The following CYB5R4 variants were observed in gnomAD, a reference collection of about 807,000 sequenced individuals.
The protein encoded by CYB5R4 is cytochrome b5 reductase 4.
In CYB5R4, 55 loss-of-function variants were observed where a neutral mutation model predicts 70.2. The ratio of observed to expected loss-of-function variants is 0.78; its 90% confidence interval spans 0.63 to 0.98. The LOEUF is 0.98. Among genes scored for constraint, CYB5R4 ranks in the 50% least tolerant of loss-of-function variants. The pLI is 0.00. For synonymous variants in CYB5R4, 197 were observed against 199.5 expected (o/e 0.99, Z 0.11); for missense variants, 562 against 612.6 (o/e 0.92, Z 0.87).
At chr6:83,876,988 C>T (rs747477103) in intron 2 of CYB5R4, among the ~76,000 whole-genome samples, 2 of 152,056 alleles carry the variant, frequency 1.3e-5, no homozygotes, top group Non-Finnish European at 2.9e-5. Context: ...TGTGCTACCA[C>T]ACCTGGCTAA....
In CYB5R4 at chr6:83,965,515, A is replaced by C. The variant is rs1233398048; in HGVS notation, c.*5637A>C. The C allele has an allele frequency of 6.6e-6, 1 of 152,176 alleles. No homozygotes were observed. The highest frequency in any genetic ancestry group is 6.5e-5 in the Admixed American group (1 of 15,276). 9.4% of individuals were successfully genotyped at this position (152,176 alleles called of 1,614,324 possible). ...CAATACCTGTACCCTCATTGTATCT[A>C]GGAAGTAACTAGCTTGCTTTTGATT... On this transcript the variant is annotated 3_prime_UTR_variant, in exon 16 of 16. Transcript: ENST00000369681.
chr6:83,907,792 T>C (rs867575215), intron 3 of CYB5R4, among the ~76,000 whole-genome samples: 1 of 152,210 alleles, frequency 6.6e-6, no homozygotes, highest in Non-Finnish European at 1.5e-5. Context: ...TCCATGTTCC[T>C]GCAAAAGATA....
At chr6:83,943,758 G>C (rs1276535582) in intron 14 of CYB5R4, among the ~76,000 whole-genome samples, 1 of 151,976 alleles carries the variant, frequency 6.6e-6, no homozygotes, top group Non-Finnish European at 1.5e-5. Context: ...GTTTGGAGAA[G>C]AACATAAAAG....
intron 3 of CYB5R4, among the ~76,000 whole-genome samples, chr6:83,896,581 T>G (rs2099461940): frequency 6.6e-6 from 1 of 152,230 alleles, no homozygotes; most frequent in African/African-American, 2.4e-5. Flanking sequence ...TCCATGTTGC[T>G]GCTAGTGACA....
rs2099457310 is a variant in CYB5R4 at position 83,869,955 on chromosome 6, C to T, written c.229+5627C>T. Among the ~76,000 whole-genome samples, 6 of 152,180 alleles carry T rather than the reference C, an allele frequency of 3.9e-5. No individual in the cohort carries two copies. The South Asian group carries it at 1.2e-3, about 32-fold the overall frequency. Reference sequence around the variant, plus strand: ...GTGCTGAAGTGCTGTGGCAAGAAAGCTGTAGTATGCCTTATGGAGAAAATA... The same window carrying T: ...GTGCTGAAGTGCTGTGGCAAGAAAGTTGTAGTATGCCTTATGGAGAAAATA... On this transcript the variant is annotated intron_variant, in intron 2 of 15. Coordinates refer to ENST00000369681, the MANE Select transcript of CYB5R4 (RefSeq NM_016230.4).
At chr6:83,936,189 G>T in intron 11 of CYB5R4, 35 bp from the exon 12 acceptor site, 1 of 1,473,242 alleles carries the variant, frequency 6.8e-7, no homozygotes, top group South Asian at 1.4e-5. Flanking sequence ...TGGATTTTTA[G>T]AATTTAATTA....
At chr6:83,943,564 A>G (rs1437149542) in intron 14 of CYB5R4, among the ~76,000 whole-genome samples, 1 of 152,142 alleles carries the variant, frequency 6.6e-6, no homozygotes, top group Non-Finnish European at 1.5e-5. Flanking sequence ...CTTCTCCTCC[A>G]AAGGATCACA....
Position 83,964,970 on chromosome 6 carries a change from G to A in CYB5R4, c.*5092G>A, listed in dbSNP as rs1588592091. 3 of 152,322 alleles carry A rather than the reference G, an allele frequency of 2.0e-5. No homozygotes were observed. The South Asian group carries it at 6.2e-4, about 32-fold the overall frequency. The allele number at this position is 152,322 out of a possible 1,614,324, so 9.4% of individuals were successfully genotyped here. A position where few individuals can be genotyped will look rare whatever the true frequency, so the allele number is the denominator to read the frequency against. ...ATGTTGAGCATGTGGGTGCACAGAA[G>A]TCAAGAAATGGGGTTTGGGAACCTC... is the stretch of plus-strand genomic sequence containing the variant. On this transcript the variant is annotated 3_prime_UTR_variant, in exon 16 of 16. Coordinates refer to ENST00000369681, the MANE Select transcript of CYB5R4 (RefSeq NM_016230.4).
At chr6:83,883,980 C>T (rs898366561) in intron 2 of CYB5R4, among the ~76,000 whole-genome samples, 1 of 151,558 alleles carries the variant, frequency 6.6e-6, no homozygotes, top group South Asian at 2.1e-4. Context: ...AAAAGCCAAT[C>T]GATTAAATGA....
In CYB5R4 at chr6:83,959,250, C is replaced by T. The variant is rs538722086; in HGVS notation, c.1512-574C>T. On this transcript the variant is annotated intron_variant, in intron 15 of 15. Transcript: ENST00000369681. The stretch of plus-strand genomic sequence containing the variant: ...GGTAGCTAGCACTCAAAAAGAGAGG[C>T]AACCATTTATTACATGCCTCCAGAT... Among the ~76,000 whole-genome samples, 3 of 152,202 alleles carry T rather than the reference C, an allele frequency of 2.0e-5. No homozygotes were observed. The South Asian group carries it at 6.2e-4, about 32-fold the overall frequency.
intron 7 of CYB5R4, among the ~76,000 whole-genome samples, chr6:83,920,022 T>C (rs1352044877): frequency 6.6e-6 from 1 of 152,138 alleles, no homozygotes; most frequent in Non-Finnish European, 1.5e-5. Context: ...TAAGTATTTA[T>C]AACCTGCTTC....
chr6:83,890,378 C>G (rs1486103187), intron 2 of CYB5R4, among the ~76,000 whole-genome samples: 2 of 152,048 alleles, frequency 1.3e-5, no homozygotes, highest in South Asian at 2.1e-4. Context: ...AGCTAGAAAA[C>G]TAGAATTAGA....
In CYB5R4 at chr6:83,955,566, A is replaced by G. The variant is rs2099472201; in HGVS notation, c.1511+104A>G. The G allele has an allele frequency of 1.2e-5, 13 of 1,084,718 alleles. No individual in the cohort carries two copies. In the Middle Eastern group the frequency reaches 6.3e-4, roughly 53 times the overall value. The allele number at this position is 1,084,718 out of a possible 1,614,324, so 67.2% of individuals were successfully genotyped here. On this transcript the variant is annotated intron_variant, in intron 15 of 15. Transcript: ENST00000369681. ...CCTGTTTATATGAAACTGCACTTTA[A>G]TAATCTTACAGTTTTAGAAAATAAC... is the stretch of plus-strand genomic sequence containing the variant.
intron 1 of CYB5R4, among the ~76,000 whole-genome samples, chr6:83,860,967 G>T (rs139688103): frequency 1.4e-3 from 212 of 152,366 alleles, no homozygotes; most frequent in African/African-American, 4.8e-3. Context: ...GTAGGCTTGT[G>T]TTGTGGTTCT....
intron 2 of CYB5R4, among the ~76,000 whole-genome samples, chr6:83,877,140 T>C (rs2099458688): frequency 6.6e-6 from 1 of 152,206 alleles, no homozygotes; most frequent in Non-Finnish European, 1.5e-5. Flanking sequence ...CTTTTAACAT[T>C]TTTTTATAGT....
In CYB5R4 at chr6:83,963,890, C is replaced by A; in HGVS notation, c.*4012C>A. 1 of 159,042 alleles carries A rather than the reference C, an allele frequency of 6.3e-6. No individual in the cohort carries two copies. The highest frequency in any genetic ancestry group is 1.4e-5 in the Non-Finnish European group (1 of 72,836). 9.9% of individuals were successfully genotyped at this position (159,042 alleles called of 1,614,324 possible). On this transcript the variant is annotated 3_prime_UTR_variant, in exon 16 of 16. Transcript: ENST00000369681. ...AATCATGGGGGCAGTTTCCCTCATA[C>A]TGTTCTCATGGTAGTGAATAACTCT... is the stretch of plus-strand genomic sequence containing the variant.
intron 1 of CYB5R4, among the ~76,000 whole-genome samples, chr6:83,863,760 CAA>C (rs2099456319): frequency 6.6e-6 from 1 of 152,098 alleles, no homozygotes; most frequent in Non-Finnish European, 1.5e-5. Context: ...AATTATAAAA[CAA>C]TGCAATACAA....
chr6:83,928,548 A>G (rs1251757107), intron 10 of CYB5R4, among the ~76,000 whole-genome samples: 1 of 152,202 alleles, frequency 6.6e-6, no homozygotes, highest in Non-Finnish European at 1.5e-5. Context: ...AGGTGGAGCT[A>G]CAGATCATTA....
At chr6:83,860,956 C>T (rs555525581) in intron 1 of CYB5R4, among the ~76,000 whole-genome samples, 2 of 152,300 alleles carry the variant, frequency 1.3e-5, no homozygotes, top group African/African-American at 2.4e-5. Context: ...CCCTAAATTG[C>T]GTAGGCTTGT....
Sources: gnomAD v4.1 joint callset for allele counts (sites outside exome capture counted in the v4.1 genomes callset) on GRCh38, gnomAD v4.1.1 for gene constraint, MANE v1.5 for transcripts, NCBI Gene and HGNC (gene_info 2026-07-23, HGNC 2026-07-21) for gene names.